CNIH3: variants seen among roughly 807,000 people sequenced by gnomAD.
CNIH3 encodes the protein protein cornichon homolog 3.
Under a neutral mutation model 24.1 loss-of-function variants are expected in CNIH3, and 14 were observed. The observed-to-expected ratio is 0.58, with a 90% CI of 0.38 to 0.91. CNIH3 has a LOEUF of 0.91. Among genes scored for constraint, CNIH3 ranks in the 40% least tolerant of loss-of-function variants. CNIH3 has a pLI of 0.00. For synonymous variants in CNIH3, 68 were observed against 73.8 expected (o/e 0.92, Z 0.40); for missense variants, 178 against 196.8 (o/e 0.90, Z 0.57).
chr1:224,543,433 G>A (rs1679588239), intron 2 of CNIH3, among the ~76,000 whole-genome samples: 1 of 152,120 alleles, frequency 6.6e-6, no homozygotes, highest in South Asian at 2.1e-4. Context: ...CAAACCTGAG[G>A]GGGCCATGAA....
At chr1:224,506,426 C>T (rs1572380226) in intron 1 of CNIH3, among the ~76,000 whole-genome samples, 3 of 152,350 alleles carry the variant, frequency 2.0e-5, no homozygotes, top group South Asian at 2.1e-4. Flanking sequence ...TTCTGCTCTG[C>T]CAGGCCCCAG....
chr1:224,523,337 G>A lies in CNIH3; in HGVS notation n.343+2010G>A, dbSNP rs541135977. Among the ~76,000 whole-genome samples, 4 of 152,310 alleles carry A rather than the reference G, an allele frequency of 2.6e-5. No individual in the cohort carries two copies. In the East Asian group the frequency reaches 7.7e-4, roughly 29 times the overall value. On this transcript the variant is annotated intron_variant and non_coding_transcript_variant, in intron 2 of 2. Transcript: ENST00000470602. Reference sequence around the variant, plus strand: ...GCAGAGTGGGTAAATACGTTGTGGTGTAGTTTTGCAATGAACACTTTGTAA... The same window carrying A: ...GCAGAGTGGGTAAATACGTTGTGGTATAGTTTTGCAATGAACACTTTGTAA...
At chr1:224,650,155 A>T (rs1464959453) in intron 1 of CNIH3, among the ~76,000 whole-genome samples, 3 of 152,210 alleles carry the variant, frequency 2.0e-5, no homozygotes, top group African/African-American at 7.2e-5. Context: ...AATTCTCTTA[A>T]CTAGTGACCA....
intron 1 of CNIH3, among the ~76,000 whole-genome samples, chr1:224,640,028 A>G (rs1357244762): frequency 6.6e-6 from 1 of 152,216 alleles, no homozygotes; most frequent in Non-Finnish European, 1.5e-5. Context: ...TAAACTGTAG[A>G]TAAGGCCAGG....
chr1:224,559,545 A>C (rs529860532), intron 3 of CNIH3, among the ~76,000 whole-genome samples: 1 of 152,062 alleles, frequency 6.6e-6, no homozygotes, highest in South Asian at 2.1e-4. Flanking sequence ...TTTTATTTTT[A>C]AAATTTTTGT....
chr1:224,722,964 C>T (rs928322915), intron 3 of CNIH3, among the ~76,000 whole-genome samples: 3 of 152,214 alleles, frequency 2.0e-5, no homozygotes, highest in African/African-American at 4.8e-5. Context: ...AGAACTTCCC[C>T]AGTCGACTGG....
chr1:224,706,958 C>CTTTTTT (rs71170031), intron 3 of CNIH3, among the ~76,000 whole-genome samples: 61 of 82,066 alleles, frequency 7.4e-4, no homozygotes, highest in Non-Finnish European at 9.8e-4. Flanking sequence ...TCCTTTCTTT[C>CTTTTTT]TTTTTTTTTT....
chr1:224,727,407 T>C (rs1167253816), intron 3 of CNIH3, among the ~76,000 whole-genome samples: 1 of 152,184 alleles, frequency 6.6e-6, no homozygotes, highest in Admixed American at 6.5e-5. Flanking sequence ...TTCAGGATGA[T>C]GGAGTACCCA....
At position 224,674,163 on chromosome 1, in the gene CNIH3, C is replaced by G. The variant is rs904318702; in HGVS notation, c.82-6795C>G. Among the ~76,000 whole-genome samples the G allele has an allele frequency of 6.3e-4, 96 of 151,762 alleles. 2 individuals carry two copies. Among genetic ancestry groups the G allele is most frequent in the African/African-American group, 2.2e-3 (91 of 41,278 alleles). On this transcript the variant is annotated intron_variant, in intron 1 of 5. Transcript: ENST00000272133. ...GAGCAAATGCAGGGAAGAGAAAGTC[C>G]CAGAGAAAACCAGCCTTTCCTAATG...
Position 224,650,288 on chromosome 1 carries a change from G to A in CNIH3, c.82-30670G>A, listed in dbSNP as rs940554276. Among the ~76,000 whole-genome samples the A allele has an allele frequency of 4.7e-4, 72 of 152,070 alleles. 1 individual carries two copies. The highest frequency in any genetic ancestry group is 4.4e-5 in the Non-Finnish European group (3 of 68,010). On this transcript the variant is annotated intron_variant, in intron 1 of 5. Coordinates refer to ENST00000272133, the MANE Select transcript of CNIH3 (RefSeq NM_152495.2). ...AGACTGAGGAGTATGGGGCCAGGGC[G>A]CTCTCTGCCTAAGGAGCATTTTTCC...
intron 1 of CNIH3, among the ~76,000 whole-genome samples, chr1:224,673,051 G>A (rs931983691): frequency 6.6e-6 from 1 of 152,184 alleles, no homozygotes; most frequent in Non-Finnish European, 1.5e-5. Context: ...CCTGAACATT[G>A]AGTTTTCATT....
chr1:224,658,309 G>A (rs1227151122), intron 1 of CNIH3, among the ~76,000 whole-genome samples: 1 of 152,146 alleles, frequency 6.6e-6, no homozygotes, highest in Non-Finnish European at 1.5e-5. Flanking sequence ...GGGACTACAG[G>A]TGTGTGTCAC....
chr1:224,547,898 T>G (rs2124960320), intron 3 of CNIH3, among the ~76,000 whole-genome samples: 1 of 152,086 alleles, frequency 6.6e-6, no homozygotes, highest in Middle Eastern at 3.4e-3. Context: ...CCCATGATAT[T>G]GTTTATAGTA....
At chr1:224,495,816 T>C (rs1346353324) in intron 1 of CNIH3, among the ~76,000 whole-genome samples, 1 of 152,074 alleles carries the variant, frequency 6.6e-6, no homozygotes, top group Non-Finnish European at 1.5e-5. Context: ...AGTGTGGGCA[T>C]CATGGCTCAC....
At chr1:224,517,598 C>G (rs1678445791) in intron 1 of CNIH3, among the ~76,000 whole-genome samples, 1 of 152,002 alleles carries the variant, frequency 6.6e-6, no homozygotes, top group African/African-American at 2.4e-5. Context: ...GTACACTGTA[C>G]CCAGTGTGTA....
At chr1:224,706,958 C>CTTTTTTTTTT (rs71170031) in intron 3 of CNIH3, among the ~76,000 whole-genome samples, 13 of 82,126 alleles carry the variant, frequency 1.6e-4, no homozygotes, top group East Asian at 3.7e-4. Context: ...TCCTTTCTTT[C>CTTTTTTTTTT]TTTTTTTTTT....
At chr1:224,438,354 G>C (rs995925016) in intron 1 of CNIH3, among the ~76,000 whole-genome samples, 1 of 151,786 alleles carries the variant, frequency 6.6e-6, no homozygotes, top group Admixed American at 6.6e-5. Flanking sequence ...TACCACTCCT[G>C]ACCCCAAGAC....
intron 1 of CNIH3, among the ~76,000 whole-genome samples, chr1:224,436,412 A>G (rs1311343176): frequency 6.6e-6 from 1 of 152,236 alleles, no homozygotes; most frequent in Non-Finnish European, 1.5e-5. Context: ...CCATAGCAAC[A>G]TTGAAGACTT....
upstream of CNIH3, among the ~76,000 whole-genome samples, chr1:224,614,532 C>T (rs892684351): frequency 2.6e-5 from 4 of 152,172 alleles, no homozygotes; most frequent in Non-Finnish European, 4.4e-5. Context: ...CAAAAATTAT[C>T]TGGGTGTGGT....
Sources: gnomAD v4.1 joint callset for allele counts (sites outside exome capture counted in the v4.1 genomes callset) on GRCh38, gnomAD v4.1.1 for gene constraint, MANE v1.5 for transcripts, NCBI Gene and HGNC (gene_info 2026-07-23, HGNC 2026-07-21) for gene names.